The following SRCIN1 variants were observed in gnomAD, a reference collection of about 807,000 sequenced individuals.
SRCIN1 encodes the protein SRC kinase signaling inhibitor 1, also known as P130Cas-associated protein.
In SRCIN1, 50 loss-of-function variants were observed where a neutral mutation model predicts 116.2. That is an observed-to-expected ratio of 0.43 (90% CI 0.34 to 0.54). The LOEUF (loss-of-function observed/expected upper bound fraction) is 0.54, where lower values mean the gene tolerates loss of function less well. Ranked by LOEUF, SRCIN1 falls within the 20% of genes least tolerant of loss-of-function variation. The pLI, the probability that SRCIN1 is intolerant of heterozygous loss-of-function variation, is 0.02. For synonymous variants in SRCIN1, 736 were observed against 750.0 expected (o/e 0.98, Z 0.30); for missense variants, 1,446 against 1,672.0 (o/e 0.86, Z 2.36).
Position 38,583,181 on chromosome 17 carries a change from C to T in SRCIN1, c.23-4390G>A, listed in dbSNP as rs143252081. ...ACCTGGGCTCAAGCTAGCCTCCAGC[C>T]TCAGTCTCTTGAGTAGCTGGGACCA... is the stretch of plus-strand genomic sequence containing the variant. On this transcript the variant is annotated intron_variant, in intron 1 of 18. Transcript: ENST00000617146. 1.1e-3 allele frequency among the ~76,000 whole-genome samples: 172 copies of T among 152,198 alleles called. No individual in the cohort carries two copies. In the East Asian group the frequency reaches 0.024, roughly 21 times the overall value.
intron 18 of SRCIN1, among the ~76,000 whole-genome samples, chr17:38,539,168 C>G (rs1904574991): frequency 6.6e-6 from 1 of 152,194 alleles, no homozygotes; most frequent in Non-Finnish European, 1.5e-5. Context: ...TGTGGGGATG[C>G]AGCTGTGACA....
chr17:38,551,442 T>C, intron 14 of SRCIN1, 53 bp from the exon 15 acceptor site: 1 of 1,458,674 alleles, frequency 6.9e-7, no homozygotes, highest in Non-Finnish European at 9.4e-7. Flanking sequence ...CTCCAGGACC[T>C]CTGGGGCCTC....
intron 1 of SRCIN1, among the ~76,000 whole-genome samples, chr17:38,599,358 C>T (rs1246614005): frequency 1.3e-5 from 2 of 152,156 alleles, no homozygotes; most frequent in African/African-American, 4.8e-5. Flanking sequence ...TCTTTCTCCT[C>T]CTCTTCTCCC....
In SRCIN1 at chr17:38,563,993, G is replaced by A. The variant is rs1348841099; in HGVS notation, c.541+125C>T. 1.8e-6 allele frequency: 2 copies of A among 1,104,742 alleles called. No homozygotes were observed. Among genetic ancestry groups the A allele is most frequent in the East Asian group, 2.6e-5 (1 of 38,674 alleles). The allele number at this position is 1,104,742 out of a possible 1,614,324, so 68.4% of individuals were successfully genotyped here. A position where few individuals can be genotyped will look rare whatever the true frequency, so the allele number is the denominator to read the frequency against. On this transcript the variant is annotated intron_variant, in intron 4 of 18. Coordinates refer to ENST00000617146, the MANE Select transcript of SRCIN1 (RefSeq NM_025248.3). This position sits in a 1 kb window ranked among gnomAD's most constrained non-coding sequence, Gnocchi z 5.8. Reference sequence around the variant, plus strand: ...AGCTGGGGTTGCTTGGGGAGAAGGGGCTGTGGGAAAGAGAGCAGAGCTTGA... The same window carrying A: ...AGCTGGGGTTGCTTGGGGAGAAGGGACTGTGGGAAAGAGAGCAGAGCTTGA...
chr17:38,559,751 C>A lies in SRCIN1; in HGVS notation c.1859G>T (p.Ser620Ile), dbSNP rs1481626527. 1 of 1,523,956 alleles carries A rather than the reference C, an allele frequency of 6.6e-7. No homozygotes were observed. Among genetic ancestry groups the A allele is most frequent in the East Asian group, 2.4e-5 (1 of 42,376 alleles). The allele number at this position is 1,523,956 out of a possible 1,614,324, so 94.4% of individuals were successfully genotyped here. A position where few individuals can be genotyped will look rare whatever the true frequency, so the allele number is the denominator to read the frequency against. The change falls in exon 10 of 19, where the codon AGC becomes ATC. Residue 620 changes from serine (S) to isoleucine (I), a missense_variant. Coordinates refer to ENST00000617146, the MANE Select transcript of SRCIN1 (RefSeq NM_025248.3). ...PSAPCGSGGR[S>I]SGATPVSGPP... ...GCCGGACACCGGGGTGGCCCCGCTG[C>A]TCCGGCCGCCTGACCCACAGGCTGC... is the stretch of plus-strand genomic sequence containing the variant.
At chr17:38,603,776 C>T (rs1909199791) in intron 1 of SRCIN1, among the ~76,000 whole-genome samples, 2 of 152,064 alleles carry the variant, frequency 1.3e-5, no homozygotes, top group Non-Finnish European at 1.5e-5. Flanking sequence ...GGAAACCCTC[C>T]CCTTATGCCC....
intron 17 of SRCIN1, among the ~76,000 whole-genome samples, chr17:38,548,189 C>A (rs1256763853): frequency 6.6e-6 from 1 of 152,028 alleles, no homozygotes; most frequent in Non-Finnish European, 1.5e-5. Context: ...CCTCAGAATA[C>A]TCAAGTATGG....
intron 1 of SRCIN1, among the ~76,000 whole-genome samples, chr17:38,598,675 G>T (rs1908853001): frequency 6.6e-6 from 1 of 152,162 alleles, no homozygotes; most frequent in African/African-American, 2.4e-5. Flanking sequence ...TCCAGTCTTG[G>T]GTTACTCCAC....
At chr17:38,577,280 C>T (rs1907473955) in intron 2 of SRCIN1, among the ~76,000 whole-genome samples, 1 of 152,198 alleles carries the variant, frequency 6.6e-6, no homozygotes, top group East Asian at 1.9e-4. Flanking sequence ...AGCCAGTGCA[C>T]ACAGGAGGAA....
rs200140296 is a variant in SRCIN1, at chr17:38,542,169, T to A, written c.3417+1654A>T. 346 of 151,992 alleles carry A rather than the reference T, an allele frequency of 2.3e-3. 3 individuals are homozygous for A. Among genetic ancestry groups the A allele is most frequent in the East Asian group, 0.012 (62 of 5,122 alleles). The allele number at this position is 151,992 out of a possible 1,614,324, so 9.4% of individuals were successfully genotyped here. A position where few individuals can be genotyped will look rare whatever the true frequency, so the allele number is the denominator to read the frequency against. ...CGGAGATGGGGTGGAGGCTGGGCCATAAAGGCATGAGGCTGACACCACAGC... is the reference window on the plus strand; with the variant it reads ...CGGAGATGGGGTGGAGGCTGGGCCAAAAAGGCATGAGGCTGACACCACAGC... On this transcript the variant is annotated intron_variant, in intron 18 of 18. Transcript: ENST00000617146.
At chr17:38,586,294 G>A (rs1908110521) in intron 1 of SRCIN1, among the ~76,000 whole-genome samples, 1 of 152,192 alleles carries the variant, frequency 6.6e-6, no homozygotes, top group Admixed American at 6.5e-5. Flanking sequence ...CCCCAGCGTG[G>A]GCCCTGCCCA....
chr17:38,563,992 G>C lies in SRCIN1; in HGVS notation c.541+126C>G. ...GAGCTGGGGTTGCTTGGGGAGAAGG[G>C]GCTGTGGGAAAGAGAGCAGAGCTTG... On this transcript the variant is annotated intron_variant, in intron 4 of 18. Coordinates refer to ENST00000617146, the MANE Select transcript of SRCIN1 (RefSeq NM_025248.3). The surrounding 1 kb of genome is among the most constrained non-coding windows in gnomAD (Gnocchi z 5.8). 1 of 1,098,086 alleles carries C rather than the reference G, an allele frequency of 9.1e-7. No individual in the cohort carries two copies. The allele number at this position is 1,098,086 out of a possible 1,614,324, so 68.0% of individuals were successfully genotyped here.
intron 11 of SRCIN1, among the ~76,000 whole-genome samples, chr17:38,556,127 G>A (rs544281776): frequency 6.6e-6 from 1 of 152,224 alleles, no homozygotes; most frequent in African/African-American, 2.4e-5. Context: ...TAGTCCTGGA[G>A]GGGTCAAGAG....
At chr17:38,573,650 T>A (rs1424744581) in intron 2 of SRCIN1, among the ~76,000 whole-genome samples, 1 of 152,072 alleles carries the variant, frequency 6.6e-6, no homozygotes, top group African/African-American at 2.4e-5. Flanking sequence ...CCAACCCCTA[T>A]CACAGCCCCA....
intron 11 of SRCIN1, among the ~76,000 whole-genome samples, chr17:38,553,271 A>G (rs905559937): frequency 6.6e-5 from 10 of 152,170 alleles, no homozygotes; most frequent in Non-Finnish European, 1.3e-4. Flanking sequence ...GCATACAAAC[A>G]TAAAAGCCAG....
chr17:38,552,009 C>CG lies in SRCIN1; in HGVS notation c.2603dup (p.Leu869AlafsTer5). The CG allele has an allele frequency of 6.2e-7, 1 of 1,613,896 alleles. No homozygotes were observed. The highest frequency in any genetic ancestry group is 1.1e-5 in the South Asian group (1 of 91,086). On this transcript the variant is annotated frameshift_variant, in exon 14 of 19. Transcript: ENST00000617146. LOFTEE classifies it high-confidence loss of function. The surrounding 1 kb of genome is among the most constrained non-coding windows in gnomAD (Gnocchi z 5.3). The stretch of plus-strand genomic sequence containing the variant: ...GCCCGCTCAGCTCATGCAGGTTCAG[C>CG]GGGGGGCTGGGGGGTGGCATTTCGA...
intron 18 of SRCIN1, among the ~76,000 whole-genome samples, chr17:38,536,487 C>G (rs1904388527): frequency 6.6e-6 from 1 of 152,380 alleles, no homozygotes; most frequent in Admixed American, 6.5e-5. Context: ...AGGGCACCAC[C>G]CTGCACACCT....
In SRCIN1 at chr17:38,543,254, A is replaced by G. The variant is rs1803166380; in HGVS notation, c.3417+569T>C. On this transcript the variant is annotated intron_variant, in intron 18 of 18. Transcript: ENST00000617146. ...AAAGACGGGAGGTGACCCCACTGAAACCCAAACACAAGGCTGAAAAGCAGA... is the reference window on the plus strand; with the variant it reads ...AAAGACGGGAGGTGACCCCACTGAAGCCCAAACACAAGGCTGAAAAGCAGA... The G allele has an allele frequency of 4.4e-6, 2 of 453,970 alleles. 1 individual carries two copies. The highest frequency in any genetic ancestry group is 3.1e-5 in the South Asian group (2 of 64,466). 28.1% of individuals were successfully genotyped at this position (453,970 alleles called of 1,614,324 possible).
intron 18 of SRCIN1, among the ~76,000 whole-genome samples, chr17:38,535,326 A>G (rs1172155040): frequency 6.7e-6 from 1 of 149,248 alleles, no homozygotes; most frequent in Non-Finnish European, 1.5e-5. Flanking sequence ...CTCCTGCCTC[A>G]GCCTCCCGAG....
Sources: allele counts gnomAD v4.1 joint callset (sites outside exome capture counted in the v4.1 genomes callset), GRCh38; gene constraint gnomAD v4.1.1; non-coding constraint Gnocchi (gnomAD v3.1); transcripts MANE v1.5; gene names NCBI Gene and HGNC (gene_info 2026-07-23, HGNC 2026-07-21).